Variants in SNX11 observed in about 807,000 individuals in gnomAD.
SNX11 encodes sorting nexin 11.
In SNX11, 19 loss-of-function variants were observed where a neutral mutation model predicts 30.7. The observed-to-expected ratio is 0.62, with a 90% CI of 0.43 to 0.91. The LOEUF (loss-of-function observed/expected upper bound fraction) is 0.91, where lower values mean the gene tolerates loss of function less well. SNX11 is among the 40% of genes least tolerant of loss of function. SNX11 has a pLI of 0.00. For missense variants in SNX11, 302 were observed against 326.7 expected (o/e 0.92, Z 0.58); for synonymous variants, 112 against 119.0 (o/e 0.94, Z 0.38).
Position 48,121,635 on chromosome 17 carries a change from G to C in SNX11, c.*127G>C. 3.1e-6 allele frequency: 3 copies of C among 974,542 alleles called. No individual in the cohort carries two copies. In the South Asian group the frequency reaches 4.7e-5, roughly 15 times the overall value. 60.4% of individuals were successfully genotyped at this position (974,542 alleles called of 1,614,324 possible). A position where few individuals can be genotyped will look rare whatever the true frequency, so the allele number is the denominator to read the frequency against. On this transcript the variant is annotated 3_prime_UTR_variant, in exon 7 of 7. Transcript: ENST00000359238. ...AGTGTCTTCTAGTCACCTCTGCTTG[G>C]GCTGATTGACAGAGGTCAGTCATTA...
chr17:48,115,629 T>G (rs2063538057), intron 4 of SNX11, among the ~76,000 whole-genome samples: 1 of 152,122 alleles, frequency 6.6e-6, no homozygotes. Flanking sequence ...TCTCTTTTAA[T>G]ACAGAGGTCC....
intron 6 of SNX11, among the ~76,000 whole-genome samples, chr17:48,120,276 G>A (rs111769388): frequency 4.3e-5 from 6 of 139,726 alleles, no homozygotes; most frequent in African/African-American, 8.0e-5. Flanking sequence ...GCATGATCTC[G>A]GCTCACTGCA....
upstream of SNX11, chr17:48,107,761 C>T (rs1357888204): frequency 2.6e-5 from 4 of 152,352 alleles, no homozygotes; most frequent in Non-Finnish European, 4.4e-5. Flanking sequence ...CGGCGACTCA[C>T]CCGGAAGGAG....
In SNX11 at chr17:48,119,123, G is replaced by A; in HGVS notation, c.476G>A (p.Cys159Tyr). The A allele has an allele frequency of 6.2e-7, 1 of 1,614,140 alleles. No homozygotes were observed. Among genetic ancestry groups the A allele is most frequent in the Non-Finnish European group, 8.5e-7 (1 of 1,180,032 alleles). The change falls in exon 6 of 7, where the codon TGT becomes TAT. Residue 159 changes from cysteine to tyrosine, a missense_variant. Physicochemically the swap from Cys to Tyr is radical, Grantham distance 194. Coordinates refer to ENST00000359238, the MANE Select transcript of SNX11 (RefSeq NM_013323.3). ...ATTCTTCGATATGCTATGTCAAACT[G>A]TGGCTGGGCCCAGGAAGAGAGGCAG... ...DAILRYAMSN[C>Y]GWAQEERQSS...
chr17:48,111,213 G>C, intron 1 of SNX11: 1 of 694,780 alleles, frequency 1.4e-6, no homozygotes, highest in East Asian at 1.3e-4. Context: ...GGTGCTCCTT[G>C]GAGTGCTCTA....
intron 1 of SNX11, chr17:48,111,062 GT>G: frequency 4.1e-6 from 4 of 984,436 alleles, no homozygotes; most frequent in Non-Finnish European, 4.8e-6. Context: ...CGCATCCTGA[GT>G]CGACCTGTGC....
chr17:48,121,884 A>G lies in SNX11; in HGVS notation c.*376A>G, dbSNP rs1293812958. The G allele has an allele frequency of 1.0e-5, 2 of 194,364 alleles. No homozygotes were observed. The highest frequency in any genetic ancestry group is 2.1e-5 in the Non-Finnish European group (2 of 93,822). 12.0% of individuals were successfully genotyped at this position (194,364 alleles called of 1,614,324 possible). A position where few individuals can be genotyped will look rare whatever the true frequency, so the allele number is the denominator to read the frequency against. On this transcript the variant is annotated 3_prime_UTR_variant, in exon 7 of 7. Transcript: ENST00000359238. ...AAGCTGCCATATTGAACATCATCCC[A>G]CTGGGAGTGGTTATGTTGTATCCCC...
chr17:48,120,922 G>A (rs1397811238), intron 6 of SNX11, among the ~76,000 whole-genome samples: 3 of 146,886 alleles, frequency 2.0e-5, no homozygotes, highest in Non-Finnish European at 3.0e-5. Context: ...TTTTTTAATC[G>A]GGCAGCCTCC....
chr17:48,118,547 C>T (rs1363908186), intron 4 of SNX11, among the ~76,000 whole-genome samples, 157 bp from the exon 5 acceptor site: 4 of 148,006 alleles, frequency 2.7e-5, no homozygotes, highest in East Asian at 2.0e-4. Flanking sequence ...CACTGCACTT[C>T]AGCCTGGGCG....
At chr17:48,120,597 C>G (rs1300931507) in intron 6 of SNX11, among the ~76,000 whole-genome samples, 2 of 145,620 alleles carry the variant, frequency 1.4e-5, no homozygotes, top group African/African-American at 5.1e-5. Context: ...CAAGCTCTGC[C>G]TCCCGGGTTC....
At chr17:48,110,647 G>A (rs1266437710) in intron 1 of SNX11, 2 of 152,658 alleles carry the variant, frequency 1.3e-5, no homozygotes, top group African/African-American at 4.8e-5. Context: ...ATGTGAATGA[G>A]TACGGGATGG....
At chr17:48,112,196 G>A in intron 2 of SNX11, 111 bp downstream of exon 2, 2 of 1,006,898 alleles carry the variant, frequency 2.0e-6, no homozygotes, top group East Asian at 2.4e-5. Flanking sequence ...TATTACTTTG[G>A]TGGTTCTGAT....
rs1239629669 is a variant in SNX11, at chr17:48,121,563, C to G, written c.*55C>G. The G allele has an allele frequency of 6.3e-7, 1 of 1,581,172 alleles. No homozygotes were observed. Among genetic ancestry groups the G allele is most frequent in the African/African-American group, 1.3e-5 (1 of 74,320 alleles). On this transcript the variant is annotated 3_prime_UTR_variant, in exon 7 of 7. Transcript: ENST00000359238. ...GAAGATGCGGGCCAGGAGACTTACT[C>G]AGGTGGGACTGGGCACAGGGCAGGT...
chr17:48,115,266 T>C (rs1042079508), intron 4 of SNX11, among the ~76,000 whole-genome samples: 2 of 150,852 alleles, frequency 1.3e-5, no homozygotes, highest in Non-Finnish European at 2.9e-5. Flanking sequence ...TTTACCATGC[T>C]AGCCAGGCTG....
intron 4 of SNX11, among the ~76,000 whole-genome samples, chr17:48,117,585 T>C (rs1841025139): frequency 6.6e-6 from 1 of 150,950 alleles, no homozygotes; most frequent in Admixed American, 6.6e-5. Context: ...AGAGATGAGG[T>C]TTCACCATGT....
At chr17:48,116,598 G>A (rs1437267682) in intron 4 of SNX11, among the ~76,000 whole-genome samples, 1 of 149,146 alleles carries the variant, frequency 6.7e-6, no homozygotes, top group Non-Finnish European at 1.5e-5. Context: ...TTTCTGAGGC[G>A]GAGTCTCGCT....
rs745966682 is a variant in SNX11, at chr17:48,119,037, C to G, written c.390C>G (p.Leu130=). 1 of 1,614,134 alleles carries G rather than the reference C, an allele frequency of 6.2e-7. No homozygotes were observed. Among genetic ancestry groups the G allele is most frequent in the Non-Finnish European group, 8.5e-7 (1 of 1,180,032 alleles). The part of the protein sequence containing the change: ...SQLHLFLQSQ[L]SVPEIEACVQ... Reference sequence around the variant, plus strand: ...TGCACCTATTCCTGCAAAGCCAGCTCTCGGTGCCTGAGATAGAAGCCTGTG... The same window carrying G: ...TGCACCTATTCCTGCAAAGCCAGCTGTCGGTGCCTGAGATAGAAGCCTGTG... Residue 130 remains leucine (L), a synonymous_variant, in exon 6 of 7, where the codon CTC becomes CTG. Coordinates refer to ENST00000359238, the MANE Select transcript of SNX11 (RefSeq NM_013323.3).
At chr17:48,114,457 CTTTTT>C (rs34029008) in intron 4 of SNX11, among the ~76,000 whole-genome samples, 3 of 123,486 alleles carry the variant, frequency 2.4e-5, no homozygotes, top group Non-Finnish European at 1.7e-5. Context: ...CCCAGGCCTT[CTTTTT>C]TTTTTTTTTT....
At position 48,110,893 on chromosome 17, in the gene SNX11, C is replaced by G. The variant is rs559712526; in HGVS notation, c.-13-1138C>G. ...TAACAAGATTAGTGCTGTATTTTAA[C>G]AGAAGGTGACATCATGGGCCCCATT... On this transcript the variant is annotated intron_variant, in intron 1 of 6. Coordinates refer to ENST00000359238, the MANE Select transcript of SNX11 (RefSeq NM_013323.3). 128 of 153,964 alleles carry G rather than the reference C, an allele frequency of 8.3e-4. 1 individual carries two copies. Among genetic ancestry groups the G allele is most frequent in the Admixed American group, 1.7e-3 (26 of 15,294 alleles). The allele number at this position is 153,964 out of a possible 1,614,324, so 9.5% of individuals were successfully genotyped here.
Sources: allele counts gnomAD v4.1 joint callset (sites outside exome capture counted in the v4.1 genomes callset), GRCh38; gene constraint gnomAD v4.1.1; transcripts MANE v1.5; gene names NCBI Gene and HGNC (gene_info 2026-07-23, HGNC 2026-07-21).